AGAP6: variants seen among roughly 807,000 people sequenced by gnomAD.
AGAP6 encodes ArfGAP with GTPase domain, ankyrin repeat and PH domain 6.
A neutral mutation model predicts 63.9 loss-of-function variants in AGAP6; 29 were observed. That is an observed-to-expected ratio of 0.45 (90% CI 0.34 to 0.62). AGAP6 has a LOEUF of 0.62. AGAP6 is among the 20% of genes least tolerant of loss of function. The pLI, the probability that AGAP6 is intolerant of heterozygous loss-of-function variation, is 0.01. For synonymous variants in AGAP6, 199 were observed against 332.9 expected (o/e 0.60, Z 4.38); for missense variants, 493 against 884.9 (o/e 0.56, Z 5.62).
intron 1 of AGAP6, 52 bp from the exon 2 acceptor site, chr10:49,989,256 A>G: frequency 6.3e-7 from 1 of 1,594,918 alleles, no homozygotes; most frequent in Non-Finnish European, 8.5e-7. Context: ...ATAAGTTGAT[A>G]AATTTTTATA....
At position 50,009,126 on chromosome 10, in the gene AGAP6, A is replaced by C. The variant is rs576576686; in HGVS notation, c.1001A>C (p.Gln334Pro). The C allele has an allele frequency of 5.0e-6, 8 of 1,613,818 alleles. No homozygotes were observed. In the African/African-American group the frequency reaches 9.3e-5, roughly 19 times the overall value. ...ATTCATAAAAAAGAGATTGACCTTCAGACATCTACCATCAAAGTCCCAGGA... is the reference window on the plus strand; with the variant it reads ...ATTCATAAAAAAGAGATTGACCTTCCGACATCTACCATCAAAGTCCCAGGA... The part of the protein sequence containing the change: ...KNIHKKEIDL[Q>P]TSTIKVPGKW... Residue 334 changes from glutamine to proline, a missense_variant, in exon 8 of 8, where the codon CAG becomes CCG. By Grantham distance (76) the Gln-to-Pro change is moderately conservative. Transcript: ENST00000412531.
Position 49,999,683 on chromosome 10 carries a change from TTGA to T in AGAP6, c.397-2305_397-2303del, listed in dbSNP as rs1159125384. ...AAAGAGGAAGTCAAACTGTTGCTGT[TTGA>T]TGATGATATGATCATATACCTAGGA... is the stretch of plus-strand genomic sequence containing the variant. On this transcript the variant is annotated intron_variant, in intron 4 of 7. Coordinates refer to ENST00000412531, the MANE Select transcript of AGAP6 (RefSeq NM_001077665.3). Among the ~76,000 whole-genome samples the T allele has an allele frequency of 1.2e-4, 16 of 129,396 alleles. 2 individuals are homozygous for T. Among genetic ancestry groups the T allele is most frequent in the African/African-American group, 4.3e-4 (14 of 32,756 alleles). The allele number at this position is 129,396 out of a possible 152,430, so 84.9% of individuals were successfully genotyped here.
At chr10:49,999,533 C>T (rs1391179214) in intron 4 of AGAP6, among the ~76,000 whole-genome samples, 1 of 133,324 alleles carries the variant, frequency 7.5e-6, no homozygotes, top group South Asian at 2.7e-4. Context: ...AAGTTGAAAG[C>T]ATTCCCCCCG....
rs4043250 is a variant in AGAP6 at position 49,997,991 on chromosome 10, CATATAT to C, written c.396+3581_396+3586del. Reference sequence around the variant, plus strand: ...TTATTATGGCTGAGGTGGAATTCCTCATATATATATATATATATATATATGTATGTA... The same window carrying C: ...TTATTATGGCTGAGGTGGAATTCCTCATATATATATATATATATGTATGTA... On this transcript the variant is annotated intron_variant, in intron 4 of 7. Transcript: ENST00000412531. Among the ~76,000 whole-genome samples, 24 of 124,218 alleles carry C rather than the reference CATATAT, an allele frequency of 1.9e-4. 1 individual carries two copies. The highest frequency in any genetic ancestry group is 2.8e-4 in the Non-Finnish European group (17 of 61,440). The allele number at this position is 124,218 out of a possible 152,430, so 81.5% of individuals were successfully genotyped here.
chr10:50,009,983 G>T lies in AGAP6; in HGVS notation c.1858G>T (p.Gly620Trp), dbSNP rs782267724. The part of the protein sequence containing the change: ...GSCEEVNETC[G>W]EGDGCTALHL... ...CTGTGAGGAGGTGAACGAGACCTGT[G>T]GGGAGGGAGACGGCTGCACGGCGCT... is the stretch of plus-strand genomic sequence containing the variant. Residue 620 changes from glycine to tryptophan, a missense_variant, in exon 8 of 8, where the codon GGG (glycine) becomes TGG (tryptophan). By Grantham distance (184) the Gly-to-Trp change is radical. This residue lies in a region of AGAP6 where 34 missense variants were observed against 82.7 expected (regional missense o/e 0.41). Coordinates refer to ENST00000412531, the MANE Select transcript of AGAP6 (RefSeq NM_001077665.3). 7 of 1,612,014 alleles carry T rather than the reference G, an allele frequency of 4.3e-6. No homozygotes were observed. Among genetic ancestry groups the T allele is most frequent in the Non-Finnish European group, 5.9e-6 (7 of 1,179,832 alleles).
intron 3 of AGAP6, 73 bp downstream of exon 3, chr10:49,991,817 T>C: frequency 6.3e-7 from 1 of 1,583,480 alleles, no homozygotes. Context: ...AGAAAGTATT[T>C]AGAAAAACTC....
intron 3 of AGAP6, among the ~76,000 whole-genome samples, chr10:49,992,913 C>A (rs201093856): frequency 3.5e-4 from 53 of 152,244 alleles, no homozygotes; most frequent in Middle Eastern, 6.8e-3. Flanking sequence ...AGGTGGGCAC[C>A]ATAACACCTG....
rs782810440 is a variant in AGAP6, at chr10:50,008,960, G to T, written c.835G>T (p.Gly279Cys). The change falls in exon 8 of 8, where the codon GGT (glycine) becomes TGT (cysteine). Residue 279 changes from glycine (G) to cysteine (C), a missense_variant. Physicochemically the swap from Gly to Cys is radical, Grantham distance 159. This residue lies in a region of AGAP6 where 342 missense variants were observed against 533.4 expected (regional missense o/e 0.64). Coordinates refer to ENST00000412531, the MANE Select transcript of AGAP6 (RefSeq NM_001077665.3). ...GAATCATGCTGACACCATCGGGAGC[G>T]GTAGAGCCATCCCCATTAAACAGGG... ...PENHADTIGS[G>C]RAIPIKQGML... The T allele has an allele frequency of 2.8e-5, 45 of 1,613,838 alleles. No homozygotes were observed. The highest frequency in any genetic ancestry group is 3.6e-5 in the Non-Finnish European group (42 of 1,179,910).
chr10:50,007,117 C>T (rs1208643496), intron 6 of AGAP6, among the ~76,000 whole-genome samples: 1 of 151,944 alleles, frequency 6.6e-6, no homozygotes, highest in Non-Finnish European at 1.5e-5. Flanking sequence ...GTTGGCCAGG[C>T]ACAGTGGCTC....
chr10:50,001,312 A>G (rs376030993), intron 4 of AGAP6, among the ~76,000 whole-genome samples: 28,481 of 150,388 alleles, frequency 0.19, 3,226 homozygotes, highest in Non-Finnish European at 0.27. Context: ...CCTGGGCGAC[A>G]GAGCGAGACT....
Position 50,009,725 on chromosome 10 carries a change from T to G in AGAP6, c.1600T>G (p.Ser534Ala), listed in dbSNP as rs1842039548. ...WPVELRKVMS[S>A]IVNDLANSIW... ...AGTTGAGCTCAGGAAGGTTATGTCA[T>G]CTATTGTCAATGACCTAGCCAACAG... is the stretch of plus-strand genomic sequence containing the variant. The change falls in exon 8 of 8, where the codon TCT (serine) becomes GCT (alanine). Residue 534 changes from serine to alanine, a missense_variant. Physicochemically the swap from Ser to Ala is moderately conservative, Grantham distance 99. Around this residue, in one of 7 missense-constraint regions of AGAP6, gnomAD observed 87 missense variants for 92.9 expected, o/e 0.94. Coordinates refer to ENST00000412531, the MANE Select transcript of AGAP6 (RefSeq NM_001077665.3). 1 of 1,614,006 alleles carries G rather than the reference T, an allele frequency of 6.2e-7. No homozygotes were observed. The highest frequency in any genetic ancestry group is 1.1e-5 in the South Asian group (1 of 91,080).
At chr10:49,989,816 T>C (rs1360836971) in intron 2 of AGAP6, among the ~76,000 whole-genome samples, 15 of 152,066 alleles carry the variant, frequency 9.9e-5, no homozygotes, top group Admixed American at 7.9e-4. Flanking sequence ...TGCAGAAAAA[T>C]GGTTGTGTGT....
At chr10:50,003,614 C>T (rs1841793980) in intron 5 of AGAP6, among the ~76,000 whole-genome samples, 2 of 152,120 alleles carry the variant, frequency 1.3e-5, no homozygotes, top group African/African-American at 4.8e-5. Flanking sequence ...TGCCCAAAGC[C>T]ATACCCAATA....
At chr10:50,007,409 A>AAAAAG (rs1841952226) in intron 6 of AGAP6, among the ~76,000 whole-genome samples, 1 of 104,496 alleles carries the variant, frequency 9.6e-6, no homozygotes, top group Admixed American at 1.0e-4. Context: ...AAAAAAAAAA[A>AAAAAG]AAAAAAAAAG....
At chr10:50,004,644 A>G in intron 5 of AGAP6, 41 bp from the exon 6 acceptor site, 2 of 1,049,786 alleles carry the variant, frequency 1.9e-6, no homozygotes, top group Non-Finnish European at 2.7e-6. Flanking sequence ...GGCCTAACAA[A>G]TGATAACATC....
chr10:50,006,749 C>T (rs1304488578), intron 6 of AGAP6, among the ~76,000 whole-genome samples: 5 of 150,316 alleles, frequency 3.3e-5, no homozygotes, highest in East Asian at 1.9e-4. Flanking sequence ...AGTTAAATCA[C>T]GGATTCTTTA....
chr10:50,001,081 A>C (rs1289402247), intron 4 of AGAP6, among the ~76,000 whole-genome samples: 1 of 152,200 alleles, frequency 6.6e-6, no homozygotes, highest in Non-Finnish European at 1.5e-5. Flanking sequence ...CTGTAATCCC[A>C]GTACTTTGGG....
intron 1 of AGAP6, 38 bp from the exon 2 acceptor site, chr10:49,989,270 G>T (rs782419571): frequency 3.8e-6 from 6 of 1,595,288 alleles, no homozygotes; most frequent in African/African-American, 1.3e-5. Context: ...TTTTATAAAT[G>T]ATTACATCCT....
chr10:50,009,185 C>G lies in AGAP6; in HGVS notation c.1060C>G (p.Pro354Ala), dbSNP rs1344414577. ...ATCCCTAGCCACATCGGCCTGCACA[C>G]CCATCTCCAGCTCTAAAAGCAATGG... ...WPSLATSACT[P>A]ISSSKSNGLS... Residue 354 changes from proline (P) to alanine (A), a missense_variant, in exon 8 of 8, where the codon CCC becomes GCC. By Grantham distance (27) the Pro-to-Ala change is conservative. Coordinates refer to ENST00000412531, the MANE Select transcript of AGAP6 (RefSeq NM_001077665.3). 1 of 1,614,132 alleles carries G rather than the reference C, an allele frequency of 6.2e-7. No individual in the cohort carries two copies. Among genetic ancestry groups the G allele is most frequent in the East Asian group, 2.2e-5 (1 of 44,902 alleles).
Sources: allele counts gnomAD v4.1 joint callset (sites outside exome capture counted in the v4.1 genomes callset), GRCh38; gene constraint gnomAD v4.1.1; regional missense constraint gnomAD v4.1.1; transcripts MANE v1.5; gene names NCBI Gene and HGNC (gene_info 2026-07-23, HGNC 2026-07-21).